Variants in CCDC7 observed in about 807,000 individuals in gnomAD.
CCDC7 encodes coiled-coil domain containing 7.
A neutral mutation model predicts 196.9 loss-of-function variants in CCDC7; 183 were observed. The observed-to-expected ratio is 0.93, with a 90% CI of 0.82 to 1.05. The LOEUF (loss-of-function observed/expected upper bound fraction) is 1.05. CCDC7 is among the 50% of genes least tolerant of loss of function. CCDC7 has a pLI of 0.00. For synonymous variants in CCDC7, 525 were observed against 484.6 expected, an observed-to-expected ratio of 1.08 and a Z score of -1.10; for missense variants, 1,540 against 1,482.2, an observed-to-expected ratio of 1.04 and a Z score of -0.64.
exon 32 of CCDC7, chr10:32,824,567 T>C: frequency 1.9e-6 from 3 of 1,612,338 alleles, no homozygotes; most frequent in Non-Finnish European, 2.5e-6. Flanking sequence ...CAATAAATGA[T>C]GCAATTAAGA....
At chr10:32,724,246 G>A (rs537185835) in intron 25 of CCDC7, among the ~76,000 whole-genome samples, 2 of 152,046 alleles carry the variant, frequency 1.3e-5, no homozygotes, top group African/African-American at 2.4e-5. Flanking sequence ...GGCATCATCC[G>A]TGAGTGTCCC....
intron 18 of CCDC7, among the ~76,000 whole-genome samples, chr10:32,600,659 A>T (rs966995755): frequency 5.9e-5 from 9 of 152,174 alleles, no homozygotes; most frequent in African/African-American, 2.2e-4. Context: ...GTATCTAATG[A>T]CAAAATTACA....
intron 21 of CCDC7, among the ~76,000 whole-genome samples, chr10:32,678,700 A>G (rs2075399495): frequency 6.6e-6 from 1 of 152,140 alleles, no homozygotes; most frequent in Non-Finnish European, 1.5e-5. Flanking sequence ...TCCAATGCTC[A>G]CTTTATTCCC....
intron 9 of CCDC7, among the ~76,000 whole-genome samples, chr10:32,503,137 A>G (rs60954451): frequency 0.052 from 7,969 of 152,134 alleles, 689 homozygotes; most frequent in African/African-American, 0.18. Flanking sequence ...GATGCATTTT[A>G]TTTGTTTTTC....
chr10:32,463,065 T>C lies in CCDC7; in HGVS notation c.510+16T>C. ...GATGGAAGAAGTAAGTCTAACGTTT[T>C]AAAATTGTTAAGTTAATATTTTTTA... On this transcript the variant is annotated intron_variant, in intron 5 of 41. Transcript: ENST00000639629. 6.2e-7 allele frequency: 1 copy of C among 1,612,690 alleles called. No individual in the cohort carries two copies.
At chr10:32,634,289 GA>G in exon 19 of CCDC7, 1 of 1,219,392 alleles carries the variant, frequency 8.2e-7, no homozygotes, top group Non-Finnish European at 1.0e-6. Context: ...TCTTATGGTT[GA>G]AAATAAAGAT....
chr10:32,582,541 G>A (rs2137481096), intron 16 of CCDC7, among the ~76,000 whole-genome samples: 1 of 152,110 alleles, frequency 6.6e-6, no homozygotes, highest in South Asian at 2.1e-4. Flanking sequence ...CTGATCCTTT[G>A]GCAACTGGTA....
intron 9 of CCDC7, among the ~76,000 whole-genome samples, chr10:32,496,015 C>T (rs2042863337): frequency 6.6e-6 from 1 of 152,078 alleles, no homozygotes; most frequent in African/African-American, 2.4e-5. Context: ...TTGATTCTTC[C>T]TATCTATGAG....
intron 28 of CCDC7, among the ~76,000 whole-genome samples, chr10:32,736,632 T>C (rs750213009): frequency 6.6e-6 from 1 of 151,734 alleles, no homozygotes; most frequent in Non-Finnish European, 1.5e-5. Context: ...ATATCTCTTA[T>C]ACATATTTTG....
At position 32,589,818 on chromosome 10, in the gene CCDC7, T is replaced by G. The variant is rs375075400; in HGVS notation, c.1801+5514T>G. Among the ~76,000 whole-genome samples, 3 of 152,164 alleles carry G rather than the reference T, an allele frequency of 2.0e-5. No homozygotes were observed. In the East Asian group the frequency reaches 5.8e-4, roughly 29 times the overall value. The stretch of plus-strand genomic sequence containing the variant: ...ATTACATAATGCTCCTCTTTGTCTC[T>G]TCTTATAGTTTTTATCTTGAAATGT... On this transcript the variant is annotated intron_variant, in intron 18 of 41. Transcript: ENST00000639629.
chr10:32,865,604 A>C (rs1286093560), intron 41 of CCDC7, among the ~76,000 whole-genome samples: 2 of 151,790 alleles, frequency 1.3e-5, no homozygotes, highest in Non-Finnish European at 2.9e-5. Flanking sequence ...AGTATGAGGA[A>C]ACGTTCTTAG....
intron 28 of CCDC7, among the ~76,000 whole-genome samples, chr10:32,769,740 T>C (rs1192572987): frequency 6.6e-6 from 1 of 152,144 alleles, no homozygotes; most frequent in Non-Finnish European, 1.5e-5. Context: ...TGTTTGGTTT[T>C]CTGCTCCTGT....
intron 16 of CCDC7, chr10:32,574,315 TAATAA>T (rs2057934065): frequency 5.9e-6 from 3 of 509,816 alleles, no homozygotes; most frequent in Non-Finnish European, 8.1e-6. Flanking sequence ...ATATATTATA[TAATAA>T]TATAATATAT....
chr10:32,832,432 G>T (rs2092276290), intron 32 of CCDC7, among the ~76,000 whole-genome samples: 2 of 152,018 alleles, frequency 1.3e-5, no homozygotes, highest in South Asian at 2.1e-4. Context: ...GAACCCGGGA[G>T]GTGGAGTTTG....
At chr10:32,490,789 C>T (rs2042025473) in intron 8 of CCDC7, among the ~76,000 whole-genome samples, 1 of 151,526 alleles carries the variant, frequency 6.6e-6, no homozygotes, top group Non-Finnish European at 1.5e-5. Flanking sequence ...CAGAGCGAGA[C>T]TCCGCCTCAA....
chr10:32,714,817 C>G (rs2081345311), intron 25 of CCDC7, among the ~76,000 whole-genome samples: 1 of 152,200 alleles, frequency 6.6e-6, no homozygotes, highest in Non-Finnish European at 1.5e-5. Flanking sequence ...CACGGCGCAG[C>G]AAAGCCACTG....
At chr10:32,613,032 GACTGTGAAAC>G (rs2062359686) in intron 18 of CCDC7, among the ~76,000 whole-genome samples, 1 of 151,998 alleles carries the variant, frequency 6.6e-6, no homozygotes, top group African/African-American at 2.4e-5. Flanking sequence ...GGTAGAATTC[GACTGTGAAAC>G]ATGTGGTCCT....
chr10:32,855,355 C>T (rs932149948), intron 41 of CCDC7, among the ~76,000 whole-genome samples: 1 of 152,002 alleles, frequency 6.6e-6, no homozygotes, highest in Non-Finnish European at 1.5e-5. Flanking sequence ...ATTTATTGTG[C>T]ACTATATTTC....
upstream of CCDC7, among the ~76,000 whole-genome samples, chr10:32,450,539 A>G (rs982109314): frequency 6.6e-6 from 1 of 152,110 alleles, no homozygotes; most frequent in Non-Finnish European, 1.5e-5. Flanking sequence ...TAATTTTGCC[A>G]TTGTACCTGA....
Sources: gnomAD v4.1 joint callset for allele counts (sites outside exome capture counted in the v4.1 genomes callset) on GRCh38, gnomAD v4.1.1 for gene constraint, MANE v1.5 for transcripts, NCBI Gene and HGNC (gene_info 2026-07-23, HGNC 2026-07-21) for gene names.